Variants in LRP1B observed in about 807,000 individuals in gnomAD.
LRP1B encodes low-density lipoprotein receptor-related protein 1B.
A neutral mutation model predicts 556.6 loss-of-function variants in LRP1B; 217 were observed. The observed-to-expected ratio is 0.39, with a 90% CI of 0.35 to 0.44. The LOEUF is 0.44. Among genes scored for constraint, LRP1B ranks in the 20% least tolerant of loss-of-function variants. LRP1B has a pLI of 1.00. For synonymous variants in LRP1B, 2,047 were observed against 1,865.8 expected, an observed-to-expected ratio of 1.10 and a Z score of -2.50; for missense variants, 5,053 against 5,620.8, an observed-to-expected ratio of 0.90 and a Z score of 3.23.
At chr2:141,133,659 A>G (rs1701418403) in intron 7 of LRP1B, among the ~76,000 whole-genome samples, 1 of 152,060 alleles carries the variant, frequency 6.6e-6, no homozygotes, top group Non-Finnish European at 1.5e-5. Flanking sequence ...GTAAATGCTT[A>G]CAAAGCCATT....
intron 18 of LRP1B, among the ~76,000 whole-genome samples, chr2:140,963,934 C>G (rs12614115): frequency 0.18 from 27,645 of 152,104 alleles, 2,642 homozygotes; most frequent in South Asian, 0.25. Context: ...ACAAGATAAA[C>G]AGATAAGAGA....
chr2:141,302,417 T>C (rs557492685), intron 3 of LRP1B, among the ~76,000 whole-genome samples: 2 of 152,252 alleles, frequency 1.3e-5, no homozygotes, highest in African/African-American at 4.8e-5. Context: ...TCCAGAGTTA[T>C]AACTCTTTTG....
chr2:141,698,705 T>C (rs1691828013), intron 2 of LRP1B, among the ~76,000 whole-genome samples: 1 of 151,194 alleles, frequency 6.6e-6, no homozygotes, highest in South Asian at 2.1e-4. Flanking sequence ...CAATAGCAAC[T>C]GCAGTATGTT....
At chr2:140,258,660 T>TTA (rs527388226) in intron 86 of LRP1B, among the ~76,000 whole-genome samples, 5 of 152,102 alleles carry the variant, frequency 3.3e-5, no homozygotes, top group African/African-American at 9.7e-5. Flanking sequence ...TCTGTGTTCT[T>TTA]TATATATATT....
At chr2:141,774,453 C>T (rs1465583047) in intron 2 of LRP1B, among the ~76,000 whole-genome samples, 8 of 152,016 alleles carry the variant, frequency 5.3e-5, no homozygotes, top group South Asian at 2.1e-4. Context: ...ACTCAATCAC[C>T]GCGGGGATGG....
At chr2:140,727,522 G>C (rs1319577578) in intron 35 of LRP1B, among the ~76,000 whole-genome samples, 1 of 152,162 alleles carries the variant, frequency 6.6e-6, no homozygotes, top group African/African-American at 2.4e-5. Context: ...ACTTCATGGA[G>C]GAAGTGAAGC....
At chr2:142,016,013 G>C (rs1457855232) in intron 1 of LRP1B, among the ~76,000 whole-genome samples, 2 of 24,260 alleles carry the variant, frequency 8.2e-5, no homozygotes, top group Non-Finnish European at 2.3e-4. Flanking sequence ...AAAAAAAAAA[G>C]TGGGTGAAGG....
At chr2:141,185,130 G>A (rs569372143) in intron 7 of LRP1B, among the ~76,000 whole-genome samples, 72 of 152,142 alleles carry the variant, frequency 4.7e-4, no homozygotes, top group South Asian at 1.2e-3. Context: ...AAATGTTAAG[G>A]TTCTTTATGT....
chr2:141,796,028 A>G (rs1447777715), intron 2 of LRP1B, among the ~76,000 whole-genome samples: 1 of 151,080 alleles, frequency 6.6e-6, no homozygotes, highest in East Asian at 1.9e-4. Context: ...AATCTCAGCT[A>G]CTTAATAGTA....
intron 2 of LRP1B, among the ~76,000 whole-genome samples, chr2:141,570,362 C>G (rs894106162): frequency 6.6e-6 from 1 of 150,874 alleles, no homozygotes; most frequent in Non-Finnish European, 1.5e-5. Flanking sequence ...AGTGAGTGAG[C>G]GTGCTACCCA....
At chr2:141,354,319 A>T (rs1374659297) in intron 3 of LRP1B, among the ~76,000 whole-genome samples, 1 of 152,062 alleles carries the variant, frequency 6.6e-6, no homozygotes, top group Non-Finnish European at 1.5e-5. Flanking sequence ...AGTTATCTAG[A>T]AGAAGGTCAG....
In LRP1B at chr2:140,769,293, G is replaced by A. The variant is rs769274519; in HGVS notation, c.5678C>T (p.Pro1893Leu). 14 of 1,611,860 alleles carry A rather than the reference G, an allele frequency of 8.7e-6. No homozygotes were observed. In the South Asian group the frequency reaches 1.5e-4, roughly 18 times the overall value. The change falls in exon 35 of 91, where the codon CCT becomes CTT. Residue 1893 changes from proline (P) to leucine (L), a missense_variant. Physicochemically the swap from Pro to Leu is moderately conservative, Grantham distance 98 (BLOSUM62 -3). Transcript: ENST00000389484. Reference protein sequence around the residue: ...YSVHEGIRGIPLEPSDKMDAL... With the variant: ...YSVHEGIRGILLEPSDKMDAL... Reference sequence around the variant, plus strand: ...ATCCATTTTGTCACTTGGTTCAAGAGGTATTCCCCTGATTCCTTCATGAAC... The same window carrying A: ...ATCCATTTTGTCACTTGGTTCAAGAAGTATTCCCCTGATTCCTTCATGAAC...
At chr2:141,981,585 C>A (rs1019097863) in intron 1 of LRP1B, among the ~76,000 whole-genome samples, 1 of 152,054 alleles carries the variant, frequency 6.6e-6, no homozygotes, top group Non-Finnish European at 1.5e-5. Flanking sequence ...ATAAACTGAT[C>A]TGTATTTTTC....
chr2:141,952,937 C>T (rs868360353), intron 1 of LRP1B, among the ~76,000 whole-genome samples: 36 of 152,032 alleles, frequency 2.4e-4, no homozygotes, highest in African/African-American at 8.0e-4. Flanking sequence ...GATTTTTTAC[C>T]GTGTATTCTG....
Position 141,856,416 on chromosome 2 carries a change from T to C in LRP1B, c.83-46015A>G, listed in dbSNP as rs114219800. On this transcript the variant is annotated intron_variant, in intron 1 of 90. Transcript: ENST00000389484. ...ACAGTAGGAGGCCCATTTCTTTTTT[T>C]ATATTTTTGCTTCCTCAGACATGGG... Among the ~76,000 whole-genome samples, 1,193 of 152,226 alleles carry C rather than the reference T, an allele frequency of 7.8e-3. 22 individuals are homozygous for C. Among genetic ancestry groups the C allele is most frequent in the African/African-American group, 0.027 (1,133 of 41,540 alleles).
chr2:141,848,792 CAA>C (rs1697745224), intron 1 of LRP1B, among the ~76,000 whole-genome samples: 1 of 151,320 alleles, frequency 6.6e-6, no homozygotes, highest in Admixed American at 6.6e-5. Context: ...ATTTAAAAAA[CAA>C]GAGGAAATAA....
chr2:141,819,012 G>A (rs533225707), intron 1 of LRP1B, among the ~76,000 whole-genome samples: 12 of 151,482 alleles, frequency 7.9e-5, no homozygotes, highest in African/African-American at 1.2e-4. Context: ...AGGCTGAGGC[G>A]GGTGGATCAC....
intron 2 of LRP1B, among the ~76,000 whole-genome samples, chr2:141,623,077 C>T (rs1688561558): frequency 6.6e-6 from 1 of 152,108 alleles, no homozygotes; most frequent in African/African-American, 2.4e-5. Context: ...TAAGATAAAG[C>T]AATTATGAAT....
chr2:140,351,036 A>G lies in LRP1B; in HGVS notation c.11653T>C (p.Ser3885Pro). The change falls in exon 77 of 91, where the codon TCT becomes CCT. Residue 3885 changes from serine to proline, a missense_variant and splice_region_variant. Ser to Pro is a moderately conservative substitution (Grantham distance 74). This residue lies in a region of LRP1B where 599 missense variants were observed against 648.4 expected (regional missense o/e 0.92). Coordinates refer to ENST00000389484, the MANE Select transcript of LRP1B (RefSeq NM_018557.3). ...ERNNTCIAEG[S>P]EDQVLYIAND... ...GCAATGTAGAGAACTTGATCTTCAG[A>G]GCCTGGAGATTATTATAATAAAATA... The G allele has an allele frequency of 6.4e-7, 1 of 1,551,836 alleles. No individual in the cohort carries two copies. The highest frequency in any genetic ancestry group is 8.8e-7 in the Non-Finnish European group (1 of 1,142,180).
Sources: gnomAD v4.1 joint callset for allele counts (sites outside exome capture counted in the v4.1 genomes callset) on GRCh38, gnomAD v4.1.1 for gene constraint, gnomAD v4.1.1 regional missense constraint, MANE v1.5 for transcripts, NCBI Gene and HGNC (gene_info 2026-07-23, HGNC 2026-07-21) for gene names.